Variants in SLC24A2 observed in about 807,000 individuals in gnomAD.
SLC24A2 encodes solute carrier family 24 member 2.
SLC24A2 carries 36 observed loss-of-function variants against 62.0 expected under a neutral mutation model. The observed-to-expected ratio is 0.58, with a 90% confidence interval of 0.44 to 0.77. The LOEUF (loss-of-function observed/expected upper bound fraction) is 0.77, where lower values mean the gene tolerates loss of function less well. SLC24A2 is among the 30% of genes least tolerant of loss of function. The pLI, the probability that SLC24A2 is intolerant of heterozygous loss-of-function variation, is 0.00. For synonymous variants in SLC24A2, 358 were observed against 294.0 expected (o/e 1.22, Z -2.23); for missense variants, 846 against 817.9 (o/e 1.03, Z -0.42).
chr9:19,702,687 T>C (rs977166855), intron 2 of SLC24A2, among the ~76,000 whole-genome samples: 1 of 152,122 alleles, frequency 6.6e-6, no homozygotes, highest in Non-Finnish European at 1.5e-5. Flanking sequence ...GTCATTTTTA[T>C]AACATCAGCA....
the SLC24A2 span, among the ~76,000 whole-genome samples, chr9:19,812,728 G>T: frequency 5.9e-5 from 9 of 152,040 alleles, no homozygotes; most frequent in East Asian, 1.7e-3. Flanking sequence ...GTCAAATATT[G>T]TTTATTACTA....
chr9:20,260,434 CT>C, the SLC24A2 span, among the ~76,000 whole-genome samples: 2,141 of 152,256 alleles, frequency 0.014, 55 homozygotes, highest in African/African-American at 0.048. Context: ...GAAATAATAA[CT>C]TTTTAAAGTG....
At chr9:19,589,124 A>G (rs527891366) in intron 5 of SLC24A2, among the ~76,000 whole-genome samples, 2 of 152,336 alleles carry the variant, frequency 1.3e-5, no homozygotes, top group African/African-American at 4.8e-5. Flanking sequence ...TTATATGTAT[A>G]TGTCTTCTAC....
chr9:19,907,648 T>C, the SLC24A2 span, among the ~76,000 whole-genome samples: 2 of 152,158 alleles, frequency 1.3e-5, no homozygotes, highest in South Asian at 2.1e-4. Flanking sequence ...ACAAAATCAA[T>C]GTGCAAAAAT....
chr9:19,748,048 A>T (rs950732425), intron 2 of SLC24A2, among the ~76,000 whole-genome samples: 4 of 152,172 alleles, frequency 2.6e-5, no homozygotes, highest in Non-Finnish European at 1.5e-5. Context: ...TAGCCTATAC[A>T]GATTTTCCTA....
chr9:19,774,660 C>T (rs879834950), intron 2 of SLC24A2, among the ~76,000 whole-genome samples: 1 of 152,184 alleles, frequency 6.6e-6, no homozygotes, highest in Admixed American at 6.5e-5. Context: ...TTTCTACCTA[C>T]ACCCTGCTTG....
chr9:19,887,184 C>T, the SLC24A2 span, among the ~76,000 whole-genome samples: 1 of 152,196 alleles, frequency 6.6e-6, no homozygotes, highest in Non-Finnish European at 1.5e-5. Context: ...GCACATTCTG[C>T]ACATGTACCC....
chr9:20,228,733 A>G, the SLC24A2 span, among the ~76,000 whole-genome samples: 1 of 152,208 alleles, frequency 6.6e-6, no homozygotes, highest in Non-Finnish European at 1.5e-5. Context: ...GGCACCCAGT[A>G]TCCAGCCTGT....
the SLC24A2 span, among the ~76,000 whole-genome samples, chr9:19,869,910 TC>T: frequency 1.1e-4 from 17 of 152,350 alleles, no homozygotes; most frequent in Middle Eastern, 3.4e-3. Flanking sequence ...CTGAAGGACT[TC>T]CTTTAATATT....
rs563114988 is a variant in SLC24A2, at chr9:19,592,515, T to C, written c.1129+4714A>G. Among the ~76,000 whole-genome samples the C allele has an allele frequency of 4.5e-3, 683 of 151,794 alleles. 8 individuals carry two copies. Among genetic ancestry groups the C allele is most frequent in the South Asian group, 0.018 (84 of 4,782 alleles). ...CTACCCACCTACCTACCTACCTACC[T>C]ACCTACCTACCTACCTACCTACCTA... On this transcript the variant is annotated intron_variant, in intron 5 of 10. Coordinates refer to ENST00000341998, the MANE Select transcript of SLC24A2 (RefSeq NM_020344.4).
intron 2 of SLC24A2, among the ~76,000 whole-genome samples, chr9:19,653,103 C>G (rs974818702): frequency 6.6e-6 from 1 of 152,318 alleles, no homozygotes; most frequent in Admixed American, 6.5e-5. Flanking sequence ...ACTGCTCACC[C>G]CCCAAACTTG....
chr9:19,577,000 T>C lies in SLC24A2; in HGVS notation c.1152A>G (p.Ser384=), dbSNP rs150785007. 35 of 1,614,028 alleles carry C rather than the reference T, an allele frequency of 2.2e-5. No homozygotes were observed. The African/African-American group carries it at 4.1e-4, about 19-fold the overall frequency. ...TCTTCTTGGCGATCTTGTGGAGAAT[T>C]GAAGCCTTTTCTCTGAACCTCCCTG... ...TEEGRFREKA[S]ILHKIAKKKC... The change falls in exon 6 of 11, where the codon TCA becomes TCG. Residue 384 remains serine (S), a synonymous_variant. Transcript: ENST00000341998.
the SLC24A2 span, among the ~76,000 whole-genome samples, chr9:20,257,587 G>A: frequency 6.6e-6 from 1 of 152,170 alleles, no homozygotes; most frequent in African/African-American, 2.4e-5. Context: ...TACAGAAAGA[G>A]AGGTGATTTT....
chr9:19,653,642 G>A (rs1018557766), intron 2 of SLC24A2, among the ~76,000 whole-genome samples: 2 of 152,198 alleles, frequency 1.3e-5, no homozygotes, highest in African/African-American at 2.4e-5. Flanking sequence ...TGAGCTTGGA[G>A]TTGAGTTTAG....
At chr9:20,192,680 C>G in the SLC24A2 span, among the ~76,000 whole-genome samples, 3 of 152,164 alleles carry the variant, frequency 2.0e-5, no homozygotes, top group Non-Finnish European at 4.4e-5. Flanking sequence ...GTTGGGAAGA[C>G]TTTTAAATTC....
the SLC24A2 span, among the ~76,000 whole-genome samples, chr9:20,272,532 G>T: frequency 3.2e-4 from 48 of 152,308 alleles, no homozygotes; most frequent in African/African-American, 1.1e-3. Flanking sequence ...TTCTCTGAAT[G>T]AGATGATTTT....
At chr9:19,527,391 A>G (rs915726561) in intron 9 of SLC24A2, among the ~76,000 whole-genome samples, 1 of 152,166 alleles carries the variant, frequency 6.6e-6, no homozygotes, top group Non-Finnish European at 1.5e-5. Context: ...CTTTGAACCT[A>G]TGTATAGGGT....
At chr9:19,696,450 G>A (rs1043184654) in intron 2 of SLC24A2, among the ~76,000 whole-genome samples, 1 of 152,188 alleles carries the variant, frequency 6.6e-6, no homozygotes, top group Non-Finnish European at 1.5e-5. Flanking sequence ...TTTTCACTCT[G>A]TACGCCATGC....
intron 4 of SLC24A2, among the ~76,000 whole-genome samples, chr9:19,600,043 C>G (rs975492913): frequency 3.3e-5 from 5 of 152,300 alleles, no homozygotes; most frequent in African/African-American, 1.2e-4. Flanking sequence ...GCACTGTTCG[C>G]TGTATCAGTG....
Sources: gnomAD v4.1 joint callset for allele counts (sites outside exome capture counted in the v4.1 genomes callset) on GRCh38, gnomAD v4.1.1 for gene constraint, MANE v1.5 for transcripts, NCBI Gene and HGNC (gene_info 2026-07-23, HGNC 2026-07-21) for gene names.